EEPD1: variants seen among roughly 807,000 people sequenced by gnomAD.
EEPD1 encodes endonuclease/exonuclease/phosphatase family domain-containing protein 1.
Under a neutral mutation model 46.3 loss-of-function variants are expected in EEPD1, and 17 were observed. That is an observed-to-expected ratio of 0.37 (90% CI 0.25 to 0.55). The LOEUF (loss-of-function observed/expected upper bound fraction) is 0.55, where lower values mean the gene tolerates loss of function less well. EEPD1 is among the 20% of genes least tolerant of loss of function. The pLI, the probability that EEPD1 is intolerant of heterozygous loss-of-function variation, is 0.83. For missense variants in EEPD1, 673 were observed against 745.6 expected (o/e 0.90, Z 1.13); for synonymous variants, 313 against 315.6 (o/e 0.99, Z 0.09).
intron 2 of EEPD1, among the ~76,000 whole-genome samples, chr7:36,187,677 G>C (rs754830183): frequency 1.3e-5 from 2 of 152,102 alleles, no homozygotes; most frequent in Non-Finnish European, 2.9e-5. Context: ...TCCACTTTTT[G>C]GTTATTGTGA....
At chr7:36,283,144 T>C (rs560924249) in intron 4 of EEPD1, among the ~76,000 whole-genome samples, 2 of 152,268 alleles carry the variant, frequency 1.3e-5, no homozygotes, top group African/African-American at 4.8e-5. Context: ...CCTTTTGCAA[T>C]GTGAGGTGCT....
At chr7:36,216,967 TA>T (rs1376186548) in intron 2 of EEPD1, among the ~76,000 whole-genome samples, 1 of 152,264 alleles carries the variant, frequency 6.6e-6, no homozygotes, top group Admixed American at 6.5e-5. Context: ...TTCTGTATTT[TA>T]AAACTTTTCT....
At chr7:36,240,445 C>T (rs966211015) in intron 3 of EEPD1, among the ~76,000 whole-genome samples, 2 of 152,194 alleles carry the variant, frequency 1.3e-5, no homozygotes, top group African/African-American at 4.8e-5. Flanking sequence ...GATAGAGCTG[C>T]TGCCTGACCT....
At chr7:36,259,377 C>T (rs1298916171) in intron 3 of EEPD1, among the ~76,000 whole-genome samples, 2 of 152,196 alleles carry the variant, frequency 1.3e-5, no homozygotes, top group Non-Finnish European at 2.9e-5. Flanking sequence ...CTTGTGCTCA[C>T]TTAATTTTAG....
chr7:36,227,931 G>A (rs550445308), intron 2 of EEPD1, among the ~76,000 whole-genome samples: 16 of 152,112 alleles, frequency 1.1e-4, no homozygotes, highest in African/African-American at 2.9e-4. Flanking sequence ...CAGGTAATCC[G>A]CACACCTCAG....
intron 2 of EEPD1, among the ~76,000 whole-genome samples, chr7:36,236,981 A>G (rs1489261396): frequency 1.3e-5 from 2 of 152,240 alleles, no homozygotes; most frequent in African/African-American, 4.8e-5. Flanking sequence ...GCTCTTCGCA[A>G]TAAATCTTAC....
intron 2 of EEPD1, among the ~76,000 whole-genome samples, chr7:36,172,087 T>A (rs1443785049): frequency 6.6e-6 from 1 of 152,252 alleles, no homozygotes; most frequent in African/African-American, 2.4e-5. Flanking sequence ...TCTTGGGGAC[T>A]CAGGGCTCTT....
chr7:36,199,531 T>G (rs930840766), intron 2 of EEPD1, among the ~76,000 whole-genome samples: 1 of 152,060 alleles, frequency 6.6e-6, no homozygotes, highest in Admixed American at 6.6e-5. Flanking sequence ...CTCCCAGGAC[T>G]TTTTTCTTGG....
intron 3 of EEPD1, among the ~76,000 whole-genome samples, chr7:36,253,722 A>G (rs142870742): frequency 2.1e-3 from 317 of 152,198 alleles, no homozygotes; most frequent in Non-Finnish European, 3.8e-3. Flanking sequence ...AGATTTTTTT[A>G]AAGTCTATTT....
chr7:36,279,307 A>T (rs1787226109), intron 3 of EEPD1, among the ~76,000 whole-genome samples: 1 of 152,134 alleles, frequency 6.6e-6, no homozygotes, highest in Admixed American at 6.5e-5. Flanking sequence ...AGAAAGATAG[A>T]TGCTTACATG....
intron 3 of EEPD1, among the ~76,000 whole-genome samples, chr7:36,272,458 C>G (rs1456711189): frequency 1.3e-5 from 2 of 151,356 alleles, no homozygotes; most frequent in African/African-American, 4.9e-5. Context: ...GCATCTTGCT[C>G]TCAGTTTCAT....
At chr7:36,262,570 C>T (rs77915926) in intron 3 of EEPD1, among the ~76,000 whole-genome samples, 4 of 152,158 alleles carry the variant, frequency 2.6e-5, no homozygotes, top group Non-Finnish European at 5.9e-5. Context: ...GGTTGTGTCT[C>T]GTCTCCCCTG....
chr7:36,233,597 C>A (rs535060520), intron 2 of EEPD1, among the ~76,000 whole-genome samples: 5 of 152,192 alleles, frequency 3.3e-5, no homozygotes, highest in Non-Finnish European at 7.3e-5. Flanking sequence ...TATACTCATG[C>A]TTCAAGGTAG....
chr7:36,285,058 G>T lies in EEPD1; in HGVS notation c.1176+238G>T, dbSNP rs548508531. Among the ~76,000 whole-genome samples, 11 of 152,240 alleles carry T rather than the reference G, an allele frequency of 7.2e-5. No individual in the cohort carries two copies. The East Asian group carries it at 1.5e-3, about 21-fold the overall frequency. ...TAACTCTGGCATCTGAGCAGGAGAG[G>T]GGGGAAGGAGGGAGATTTGGTATAG... On this transcript the variant is annotated intron_variant, in intron 5 of 7. Transcript: ENST00000242108.
chr7:36,295,480 C>T (rs553941187), intron 6 of EEPD1, among the ~76,000 whole-genome samples: 14 of 152,300 alleles, frequency 9.2e-5, no homozygotes, highest in African/African-American at 2.9e-4. Context: ...AGATCCATCC[C>T]TTGTGCAGCA....
chr7:36,276,452 A>G (rs1306563858), intron 3 of EEPD1, among the ~76,000 whole-genome samples: 1 of 152,186 alleles, frequency 6.6e-6, no homozygotes, highest in African/African-American at 2.4e-5. Context: ...TGAGTCATTC[A>G]TTCAACAAAT....
intron 3 of EEPD1, among the ~76,000 whole-genome samples, chr7:36,247,594 C>T (rs1022735355): frequency 1.3e-5 from 2 of 152,226 alleles, no homozygotes; most frequent in Non-Finnish European, 2.9e-5. Flanking sequence ...TAATCCAACC[C>T]TGTCATTTTG....
chr7:36,205,901 T>TG (rs547185637), intron 2 of EEPD1, among the ~76,000 whole-genome samples: 184 of 152,170 alleles, frequency 1.2e-3, no homozygotes, highest in African/African-American at 4.0e-3. Context: ...TCTGGGGTAA[T>TG]GGGGGCACTG....
At chr7:36,223,565 T>C (rs1786183876) in intron 2 of EEPD1, among the ~76,000 whole-genome samples, 1 of 152,154 alleles carries the variant, frequency 6.6e-6, no homozygotes, top group South Asian at 2.1e-4. Flanking sequence ...GCCAGGCACA[T>C]AGTAGATGCG....
Sources: gnomAD v4.1 joint callset for allele counts (sites outside exome capture counted in the v4.1 genomes callset) on GRCh38, gnomAD v4.1.1 for gene constraint, MANE v1.5 for transcripts, NCBI Gene and HGNC (gene_info 2026-07-23, HGNC 2026-07-21) for gene names.